Variants in GRIP1 observed in about 807,000 individuals in gnomAD.
The protein encoded by GRIP1 is glutamate receptor interacting protein 1.
Under a neutral mutation model 129.9 loss-of-function variants are expected in GRIP1, and 45 were observed. The ratio of observed to expected loss-of-function variants is 0.35; its 90% confidence interval spans 0.27 to 0.44. The LOEUF is 0.44. GRIP1 is among the 20% of genes least tolerant of loss of function. The pLI, the probability that GRIP1 is intolerant of heterozygous loss-of-function variation, is 1.00. For missense variants in GRIP1, 1,196 were observed against 1,396.8 expected, an observed-to-expected ratio of 0.86 and a Z score of 2.29; for synonymous variants, 530 against 520.8, an observed-to-expected ratio of 1.02 and a Z score of -0.24.
At chr12:66,929,988 G>C (rs889514995) in intron 1 of GRIP1, among the ~76,000 whole-genome samples, 5 of 148,820 alleles carry the variant, frequency 3.4e-5, no homozygotes, top group Non-Finnish European at 7.4e-5. Context: ...TCATTTGCTT[G>C]GCTTATTTTT....
chr12:66,486,263 T>G (rs1339216903), intron 7 of GRIP1, among the ~76,000 whole-genome samples: 1 of 150,158 alleles, frequency 6.7e-6, no homozygotes, highest in Non-Finnish European at 1.5e-5. Context: ...TAGACTGACA[T>G]GGTTTATATA....
At chr12:66,660,081 G>C (rs569075491) in intron 1 of GRIP1, among the ~76,000 whole-genome samples, 1 of 152,254 alleles carries the variant, frequency 6.6e-6, no homozygotes, top group Admixed American at 6.5e-5. Flanking sequence ...TTCTCATGTT[G>C]ATGCCTAAAT....
chr12:66,517,960 AT>A lies in GRIP1; in HGVS notation c.518del (p.Asp173ValfsTer9). ...GFVIRGGAHD[D>X]RNKSRPVVIT... ...TCACAACTGGACGAGATTTATTTCT[AT>A]CATCATGTGCTCCCCCTAGCAAAGA... On this transcript the variant is annotated frameshift_variant, in exon 6 of 25. Coordinates refer to ENST00000359742, the MANE Select transcript of GRIP1 (RefSeq NM_001366722.1). LOFTEE classifies it high-confidence loss of function. 6.3e-7 allele frequency: 1 copy of A among 1,590,168 alleles called. No homozygotes were observed. Among genetic ancestry groups the A allele is most frequent in the Non-Finnish European group, 8.6e-7 (1 of 1,158,376 alleles).
intron 1 of GRIP1, among the ~76,000 whole-genome samples, chr12:66,996,489 T>C (rs761039911): frequency 6.6e-6 from 1 of 151,716 alleles, no homozygotes; most frequent in African/African-American, 2.4e-5. Flanking sequence ...GGCCTTGGAG[T>C]CTAAAGAGCA....
chr12:66,587,585 C>T (rs2063688760), intron 2 of GRIP1, among the ~76,000 whole-genome samples: 1 of 152,214 alleles, frequency 6.6e-6, no homozygotes, highest in Non-Finnish European at 1.5e-5. Context: ...ACCTGGCACA[C>T]AGTGACTGCT....
At chr12:66,875,863 T>A (rs1194518050) in intron 1 of GRIP1, among the ~76,000 whole-genome samples, 1 of 152,092 alleles carries the variant, frequency 6.6e-6, no homozygotes, top group African/African-American at 2.4e-5. Context: ...ATTTGTGTGC[T>A]ACTAAAGAAA....
At chr12:66,934,396 T>C (rs971938210) in intron 1 of GRIP1, among the ~76,000 whole-genome samples, 9 of 152,238 alleles carry the variant, frequency 5.9e-5, no homozygotes, top group African/African-American at 1.9e-4. Context: ...GTTTAAGTTC[T>C]CTTCTGTGCT....
At chr12:66,730,183 C>G (rs2036388531) in intron 1 of GRIP1, among the ~76,000 whole-genome samples, 1 of 152,040 alleles carries the variant, frequency 6.6e-6, no homozygotes, top group Non-Finnish European at 1.5e-5. Context: ...AATCTACTTT[C>G]CAATAAATTT....
intron 1 of GRIP1, among the ~76,000 whole-genome samples, chr12:66,659,298 T>C (rs958990038): frequency 1.3e-5 from 2 of 152,284 alleles, no homozygotes; most frequent in African/African-American, 2.4e-5. Context: ...ATTGTTTTAC[T>C]CTGCCATTAG....
chr12:66,809,540 A>G (rs890650439), intron 1 of GRIP1, among the ~76,000 whole-genome samples: 8 of 152,212 alleles, frequency 5.3e-5, no homozygotes, highest in Non-Finnish European at 7.4e-5. Context: ...CTCTGGCACT[A>G]ATGGTATTCT....
chr12:66,577,233 T>TAGA (rs1444510847), intron 2 of GRIP1, among the ~76,000 whole-genome samples: 1 of 152,200 alleles, frequency 6.6e-6, no homozygotes, highest in Non-Finnish European at 1.5e-5. Flanking sequence ...TCAGAAAGAT[T>TAGA]AGAAGAGCCA....
intron 1 of GRIP1, among the ~76,000 whole-genome samples, chr12:66,656,319 A>G (rs919411215): frequency 2.6e-5 from 4 of 152,188 alleles, no homozygotes; most frequent in African/African-American, 9.7e-5. Flanking sequence ...AATAGAATAA[A>G]TCTTTTAAGA....
intron 2 of GRIP1, among the ~76,000 whole-genome samples, chr12:66,578,209 C>G (rs946108496): frequency 3.7e-5 from 5 of 136,168 alleles, no homozygotes; most frequent in African/African-American, 1.3e-4. Context: ...CAATACCAGC[C>G]TGACTAATAT....
At chr12:66,405,810 C>T (rs2057170735) in intron 16 of GRIP1, among the ~76,000 whole-genome samples, 1 of 151,850 alleles carries the variant, frequency 6.6e-6, no homozygotes, top group Non-Finnish European at 1.5e-5. Flanking sequence ...AATAATGAAA[C>T]AATTGGAAGC....
intron 2 of GRIP1, among the ~76,000 whole-genome samples, chr12:66,583,045 G>T (rs1338196459): frequency 6.6e-6 from 1 of 151,050 alleles, no homozygotes; most frequent in Non-Finnish European, 1.5e-5. Flanking sequence ...CATGGTACTG[G>T]TACCAAAACA....
intron 2 of GRIP1, among the ~76,000 whole-genome samples, chr12:66,590,112 G>C (rs971229724): frequency 6.6e-6 from 1 of 152,080 alleles, no homozygotes; most frequent in African/African-American, 2.4e-5. Flanking sequence ...GTTGCTAGCT[G>C]TCATCAGAGT....
intron 16 of GRIP1, among the ~76,000 whole-genome samples, chr12:66,403,702 C>G (rs1370118522): frequency 2.0e-5 from 3 of 152,022 alleles, no homozygotes; most frequent in African/African-American, 7.2e-5. Context: ...AACAGAGCCT[C>G]TTAAAATTAA....
intron 2 of GRIP1, among the ~76,000 whole-genome samples, chr12:66,567,264 C>T (rs768257973): frequency 5.3e-5 from 8 of 152,070 alleles, no homozygotes; most frequent in South Asian, 2.1e-4. Context: ...GGGCATTTAA[C>T]GCTATAAATT....
At chr12:66,488,259 C>G (rs1338110707) in intron 7 of GRIP1, among the ~76,000 whole-genome samples, 1 of 152,178 alleles carries the variant, frequency 6.6e-6, no homozygotes, top group Non-Finnish European at 1.5e-5. Context: ...TGGAAAATAA[C>G]TGAAATCATA....
Sources: gnomAD v4.1 joint callset for allele counts (sites outside exome capture counted in the v4.1 genomes callset) on GRCh38, gnomAD v4.1.1 for gene constraint, MANE v1.5 for transcripts, NCBI Gene and HGNC (gene_info 2026-07-23, HGNC 2026-07-21) for gene names.